LAMA1: variants seen among roughly 807,000 people sequenced by gnomAD.
LAMA1 encodes laminin subunit alpha-1.
In LAMA1, 219 loss-of-function variants were observed where a neutral mutation model predicts 348.7. That is an observed-to-expected ratio of 0.63 (90% CI 0.56 to 0.70). The LOEUF is 0.70. LAMA1 is among the 30% of genes least tolerant of loss of function. The pLI is 0.00. For synonymous variants in LAMA1, 1,487 were observed against 1,491.0 expected (o/e 1.00, Z 0.06); for missense variants, 3,744 against 3,888.0 (o/e 0.96, Z 0.99).
At position 6,962,030 on chromosome 18, in the gene LAMA1, C is replaced by A; in HGVS notation, c.7367G>T (p.Gly2456Val). ...RRGVTTKSFVGCIKNLEISRS... is the reference protein window; with the variant it reads ...RRGVTTKSFVVCIKNLEISRS... Reference sequence around the variant, plus strand: ...GGATATTTCCAGGTTCTTGATGCAGCCCACAAAGCTTTTGGTGGTGACACC... The same window carrying A: ...GGATATTTCCAGGTTCTTGATGCAGACCACAAAGCTTTTGGTGGTGACACC... Residue 2456 changes from glycine (G) to valine (V), a missense_variant, in exon 52 of 63, where the codon GGC (glycine) becomes GTC (valine). This residue lies in a region of LAMA1 where 1,983 missense variants were observed against 1,934.3 expected (regional missense o/e 1.03). Transcript: ENST00000389658. The A allele has an allele frequency of 6.2e-7, 1 of 1,614,120 alleles. No individual in the cohort carries two copies. Among genetic ancestry groups the A allele is most frequent in the Non-Finnish European group, 8.5e-7 (1 of 1,179,976 alleles).
chr18:7,042,186 G>T lies in LAMA1; in HGVS notation c.1220C>A (p.Ser407Tyr). Residue 407 changes from serine (S) to tyrosine (Y), a missense_variant, in exon 9 of 63, where the codon TCT (serine) becomes TAT (tyrosine). Ser to Tyr is a moderately radical substitution (Grantham distance 144, BLOSUM62 -2). Around this residue, in one of 3 missense-constraint regions of LAMA1, gnomAD observed 1,529 missense variants for 1,689.4 expected, o/e 0.91. Coordinates refer to ENST00000389658, the MANE Select transcript of LAMA1 (RefSeq NM_005559.4). ...ATGGAGGTCATCCTTAATACAGACA[G>T]AACTGAGGGACCCCACAGGGTCACA... Reference protein sequence around the residue: ...CNCDPVGSLSSVCIKDDLHSD... With the variant: ...CNCDPVGSLSYVCIKDDLHSD... 1 of 1,612,854 alleles carries T rather than the reference G, an allele frequency of 6.2e-7. No individual in the cohort carries two copies. Among genetic ancestry groups the T allele is most frequent in the Non-Finnish European group, 8.5e-7 (1 of 1,179,342 alleles).
Position 7,036,804 on chromosome 18 carries a change from G to A in LAMA1, c.1738-716C>T, listed in dbSNP as rs538414810. 2.6e-5 allele frequency among the ~76,000 whole-genome samples: 4 copies of A among 152,152 alleles called. No homozygotes were observed. The South Asian group carries it at 6.2e-4, about 24-fold the overall frequency. ...AAATATCATCAAATTAAATAGAAGC[G>A]TACCAAGCTACAAGACTACACTAGC... On this transcript the variant is annotated intron_variant, in intron 12 of 62. Coordinates refer to ENST00000389658, the MANE Select transcript of LAMA1 (RefSeq NM_005559.4).
At chr18:7,024,500 A>C in intron 17 of LAMA1, 34 bp from the exon 18 acceptor site, 2 of 1,549,520 alleles carry the variant, frequency 1.3e-6, no homozygotes, top group Non-Finnish European at 8.9e-7. Flanking sequence ...AAAATTTTCC[A>C]ATGGATGAAG....
In LAMA1 at chr18:6,985,293, G is replaced by C; in HGVS notation, c.5604C>G (p.Val1868=). The C allele has an allele frequency of 6.2e-7, 1 of 1,614,170 alleles. No homozygotes were observed. The highest frequency in any genetic ancestry group is 8.5e-7 in the Non-Finnish European group (1 of 1,180,016). Residue 1868 remains valine (V), a synonymous_variant, in exon 39 of 63, where the codon GTC becomes GTG. Coordinates refer to ENST00000389658, the MANE Select transcript of LAMA1 (RefSeq NM_005559.4). ...CAGCGGCATGGTCCTCAGCTCTGTA[G>C]ACCAGGTCGACTGCGTTCCTTTGGG... The part of the protein sequence containing the change: ...HMSQRNAVDL[V]YRAEDHAAEF...
In LAMA1 at chr18:7,026,460, A is replaced by G. The variant is rs566742728; in HGVS notation, c.2275-354T>C. ...GAGTGGGATATGCACGTGGTCTCAC[A>G]GTGTCCGCCTCCAACTGTTTTTTAG... On this transcript the variant is annotated intron_variant, in intron 16 of 62. Coordinates refer to ENST00000389658, the MANE Select transcript of LAMA1 (RefSeq NM_005559.4). 3.3e-5 allele frequency among the ~76,000 whole-genome samples: 5 copies of G among 152,194 alleles called. No homozygotes were observed. In the South Asian group the frequency reaches 6.2e-4, roughly 19 times the overall value.
Position 7,016,460 on chromosome 18 carries a change from C to A in LAMA1, c.2989+31G>T, listed in dbSNP as rs374697817. On this transcript the variant is annotated intron_variant, in intron 21 of 62. Transcript: ENST00000389658. ...CCAAGGAAAGCTCTGGGAATGACTA[C>A]AAAGTCTCAAACAAGGAAATCAAGG... 7 of 1,613,782 alleles carry A rather than the reference C, an allele frequency of 4.3e-6. No homozygotes were observed. In the African/African-American group the frequency reaches 9.3e-5, roughly 22 times the overall value.
chr18:6,955,788 G>A (rs910465018), intron 56 of LAMA1: 7 of 410,346 alleles, frequency 1.7e-5, no homozygotes, highest in Non-Finnish European at 3.2e-5. Context: ...CTAGGCCCCC[G>A]CCGTGACCCG....
intron 57 of LAMA1, among the ~76,000 whole-genome samples, chr18:6,953,105 A>G (rs2155696): frequency 0.42 from 47,971 of 115,436 alleles, 11,047 homozygotes; most frequent in East Asian, 0.66. Flanking sequence ...GTGGATCCAC[A>G]CCATAGGAGC....
In LAMA1 at chr18:7,036,103, C is replaced by T. The variant is rs181427766; in HGVS notation, c.1738-15G>A. 8.0e-4 allele frequency: 1,254 copies of T among 1,570,872 alleles called. 2 individuals carry two copies. The highest frequency in any genetic ancestry group is 1.8e-3 in the South Asian group (163 of 90,146). On this transcript the variant is annotated splice_polypyrimidine_tract_variant and intron_variant, in intron 12 of 62. Coordinates refer to ENST00000389658, the MANE Select transcript of LAMA1 (RefSeq NM_005559.4). ...AACGCAGTCAGCTGAAATGTTTAAG[C>T]GAGAATGAACACGAAAGGGGAAGAC...
intron 3 of LAMA1, among the ~76,000 whole-genome samples, chr18:7,065,533 C>T (rs1341289361): frequency 6.6e-6 from 1 of 152,054 alleles, no homozygotes; most frequent in African/African-American, 2.4e-5. Flanking sequence ...TCGAGACCAG[C>T]CTGGGCAGCA....
chr18:6,979,282 G>C (rs1484899912), intron 42 of LAMA1, among the ~76,000 whole-genome samples: 1 of 152,138 alleles, frequency 6.6e-6, no homozygotes, highest in Non-Finnish European at 1.5e-5. Flanking sequence ...GTTTCCCCAG[G>C]TAACTTCCAT....
At position 6,978,317 on chromosome 18, in the gene LAMA1, C is replaced by T; in HGVS notation, c.6069G>A (p.Val2023=). The change falls in exon 43 of 63, where the codon GTG becomes GTA. Residue 2023 remains valine (V), a synonymous_variant. Transcript: ENST00000389658. The part of the protein sequence containing the change: ...ELATSASQSA[V]STLRDVAGLS... ...GCCCCGCCACGTCCCTCAGCGTGCT[C>T]ACCGCGCTCTGGCTTGCAGACGTGG... 1 of 1,614,246 alleles carries T rather than the reference C, an allele frequency of 6.2e-7. No homozygotes were observed. Among genetic ancestry groups the T allele is most frequent in the Middle Eastern group, 1.6e-4 (1 of 6,062 alleles).
At chr18:7,099,459 A>T (rs1028101777) in intron 1 of LAMA1, among the ~76,000 whole-genome samples, 19 of 150,968 alleles carry the variant, frequency 1.3e-4, no homozygotes, top group African/African-American at 4.6e-4. Flanking sequence ...CCCAAGAATT[A>T]TCAATAAAAA....
Position 7,050,750 on chromosome 18 carries a change from C to A in LAMA1, c.532G>T (p.Asp178Tyr). The change falls in exon 4 of 63, where the codon GAT (aspartate) becomes TAT (tyrosine). Residue 178 changes from aspartate to tyrosine, a missense_variant. Physicochemically the swap from Asp to Tyr is radical, Grantham distance 160. Coordinates refer to ENST00000389658, the MANE Select transcript of LAMA1 (RefSeq NM_005559.4). The part of the protein sequence containing the change: ...RRGPPTYRAD[D>Y]EVICTSYYSR... ...TAATAGGAGGTGCAGATCACTTCAT[C>A]ATCAGCCCTGTAGGTGGGTGGCCCT... 1 of 1,614,174 alleles carries A rather than the reference C, an allele frequency of 6.2e-7. No individual in the cohort carries two copies. The highest frequency in any genetic ancestry group is 8.5e-7 in the Non-Finnish European group (1 of 1,180,028).
chr18:7,025,093 G>A (rs2057936370), intron 17 of LAMA1, among the ~76,000 whole-genome samples: 1 of 152,168 alleles, frequency 6.6e-6, no homozygotes, highest in Admixed American at 6.5e-5. Flanking sequence ...TTTGAGAGTG[G>A]GTGAAGGAAG....
At chr18:7,093,760 G>T (rs181433663) in intron 1 of LAMA1, among the ~76,000 whole-genome samples, 32 of 148,694 alleles carry the variant, frequency 2.2e-4, no homozygotes, top group Middle Eastern at 3.5e-3. Context: ...AAGAATTACT[G>T]CAGGGTTTCT....
intron 61 of LAMA1, 122 bp from the exon 62 acceptor site, chr18:6,943,524 G>C (rs2057509243): frequency 8.3e-6 from 7 of 839,334 alleles, no homozygotes; most frequent in Admixed American, 3.9e-5. Flanking sequence ...AGGAGAAACA[G>C]AAAATAGTTT....
chr18:7,043,760 A>C (rs1416051085), intron 7 of LAMA1, among the ~76,000 whole-genome samples: 2 of 151,322 alleles, frequency 1.3e-5, no homozygotes, highest in Non-Finnish European at 2.9e-5. Flanking sequence ...TGTTTAATAA[A>C]TTATACTACA....
chr18:7,013,738 T>C lies in LAMA1; in HGVS notation c.3363+77A>G, dbSNP rs1288324860. 5 of 1,419,014 alleles carry C rather than the reference T, an allele frequency of 3.5e-6. No individual in the cohort carries two copies. The African/African-American group carries it at 5.6e-5, about 16-fold the overall frequency. The allele number at this position is 1,419,014 out of a possible 1,614,324, so 87.9% of individuals were successfully genotyped here. A position where few individuals can be genotyped will look rare whatever the true frequency, so the allele number is the denominator to read the frequency against. Reference sequence around the variant, plus strand: ...GAAAAGCATCCAAAACCTGGCTGCTTAGGTAAGTAGTCAAAGCCCAGGAGT... The same window carrying C: ...GAAAAGCATCCAAAACCTGGCTGCTCAGGTAAGTAGTCAAAGCCCAGGAGT... On this transcript the variant is annotated intron_variant, in intron 23 of 62. Transcript: ENST00000389658.
Sources: allele counts gnomAD v4.1 joint callset (sites outside exome capture counted in the v4.1 genomes callset), GRCh38; gene constraint gnomAD v4.1.1; regional missense constraint gnomAD v4.1.1; transcripts MANE v1.5; gene names NCBI Gene and HGNC (gene_info 2026-07-23, HGNC 2026-07-21).